Variants in SYT1 observed in about 807,000 individuals in gnomAD.
The protein encoded by SYT1 is synaptotagmin 1.
Under a neutral mutation model 44.8 loss-of-function variants are expected in SYT1, and 8 were observed. The observed-to-expected ratio is 0.18, with a 90% CI of 0.10 to 0.32. The LOEUF (loss-of-function observed/expected upper bound fraction) is 0.32, where lower values mean the gene tolerates loss of function less well. SYT1 is among the 10% of genes least tolerant of loss of function. The pLI is 1.00. For missense variants in SYT1, 286 were observed against 509.3 expected, an observed-to-expected ratio of 0.56 and a Z score of 4.22; for synonymous variants, 154 against 188.8, an observed-to-expected ratio of 0.82 and a Z score of 1.51.
At chr12:79,090,608 G>A (rs955826205) in intron 3 of SYT1, among the ~76,000 whole-genome samples, 4 of 151,928 alleles carry the variant, frequency 2.6e-5, no homozygotes, top group African/African-American at 9.7e-5. Context: ...CTGAAGGTTA[G>A]ATAATTTGAG....
intron 3 of SYT1, among the ~76,000 whole-genome samples, chr12:79,048,638 A>G (rs1874246662): frequency 6.6e-6 from 1 of 151,932 alleles, no homozygotes; most frequent in Non-Finnish European, 1.5e-5. Flanking sequence ...TTACACTTTT[A>G]AAAACTACTC....
intron 3 of SYT1, among the ~76,000 whole-genome samples, chr12:79,143,543 A>C (rs188549791): frequency 1.5e-4 from 23 of 152,364 alleles, no homozygotes; most frequent in African/African-American, 5.5e-4. Context: ...TAATCAAATA[A>C]GAAAATCAAA....
chr12:79,083,523 G>C (rs1268243192), intron 3 of SYT1, among the ~76,000 whole-genome samples: 5 of 151,946 alleles, frequency 3.3e-5, no homozygotes, highest in African/African-American at 1.2e-4. Context: ...CAGATAAATA[G>C]TATTGGCTGA....
chr12:79,185,800 G>T (rs1872767087), intron 3 of SYT1, among the ~76,000 whole-genome samples: 2 of 151,830 alleles, frequency 1.3e-5, no homozygotes, highest in African/African-American at 4.8e-5. Context: ...AACTATACAG[G>T]CTTTTTCTAT....
intron 3 of SYT1, among the ~76,000 whole-genome samples, chr12:79,054,464 C>T (rs1428171467): frequency 1.3e-5 from 2 of 151,950 alleles, no homozygotes; most frequent in East Asian, 3.9e-4. Flanking sequence ...TATAAACATT[C>T]ACCTAAAGGA....
chr12:79,106,723 A>G (rs1177483691), intron 3 of SYT1, among the ~76,000 whole-genome samples: 1 of 151,852 alleles, frequency 6.6e-6, no homozygotes, highest in Non-Finnish European at 1.5e-5. Flanking sequence ...AAAAAAAAAA[A>G]TTCTTTGACA....
chr12:79,424,571 T>C (rs1239165712), intron 9 of SYT1, among the ~76,000 whole-genome samples: 1 of 151,970 alleles, frequency 6.6e-6, no homozygotes, highest in Non-Finnish European at 1.5e-5. Flanking sequence ...TTAACATTTC[T>C]TTCATTTGTA....
intron 8 of SYT1, among the ~76,000 whole-genome samples, chr12:79,323,159 G>A (rs188308099): frequency 3.0e-5 from 4 of 131,494 alleles, no homozygotes; most frequent in African/African-American, 8.6e-5. Flanking sequence ...CTGCTTTTTT[G>A]TAAGACCTAT....
intron 9 of SYT1, among the ~76,000 whole-genome samples, chr12:79,378,088 T>C (rs1273856690): frequency 6.6e-6 from 1 of 152,180 alleles, no homozygotes; most frequent in Non-Finnish European, 1.5e-5. Context: ...CTTAACTATA[T>C]AAAATGCAGG....
chr12:79,062,411 G>T (rs1042436813), intron 3 of SYT1, among the ~76,000 whole-genome samples: 1 of 152,132 alleles, frequency 6.6e-6, no homozygotes, highest in Admixed American at 6.6e-5. Context: ...AGCCTAGAAG[G>T]TTCCCCACTG....
chr12:79,247,209 T>A (rs1395644944), intron 4 of SYT1, among the ~76,000 whole-genome samples: 1 of 152,062 alleles, frequency 6.6e-6, no homozygotes, highest in Non-Finnish European at 1.5e-5. Flanking sequence ...TTAGGGAGGG[T>A]ATTCAAAAGT....
chr12:78,928,358 T>C (rs1462922), intron 1 of SYT1, among the ~76,000 whole-genome samples: 14,729 of 152,166 alleles, frequency 0.097, 1,069 homozygotes, highest in East Asian at 0.32. Flanking sequence ...GCCATAACTT[T>C]TATAGTGAAG....
At chr12:78,865,410 TTC>T (rs1873482971) in intron 1 of SYT1, among the ~76,000 whole-genome samples, 1 of 152,082 alleles carries the variant, frequency 6.6e-6, no homozygotes, top group Non-Finnish European at 1.5e-5. Flanking sequence ...TCTCAATCTT[TTC>T]TCTCTTTCTC....
At chr12:78,923,709 CTGTG>C (rs71091636) in intron 1 of SYT1, among the ~76,000 whole-genome samples, 1 of 150,994 alleles carries the variant, frequency 6.6e-6, no homozygotes, top group Non-Finnish European at 1.5e-5. Flanking sequence ...CTCTCTCTCT[CTGTG>C]TGTGTGTATA....
chr12:78,986,268 A>G (rs1366146885), intron 2 of SYT1, among the ~76,000 whole-genome samples: 1 of 151,876 alleles, frequency 6.6e-6, no homozygotes, highest in Non-Finnish European at 1.5e-5. Flanking sequence ...CATTTGTTCC[A>G]TTTTCTTTTT....
chr12:79,420,786 G>A (rs553130689), intron 9 of SYT1, among the ~76,000 whole-genome samples: 1 of 152,150 alleles, frequency 6.6e-6, no homozygotes, highest in African/African-American at 2.4e-5. Context: ...CTGAGAAGTA[G>A]GAAAAAGTAT....
At chr12:79,329,420 G>T (rs1881756456) in intron 8 of SYT1, among the ~76,000 whole-genome samples, 1 of 152,144 alleles carries the variant, frequency 6.6e-6, no homozygotes, top group Non-Finnish European at 1.5e-5. Flanking sequence ...CTATGTGCCA[G>T]GCACTAGCTG....
intron 4 of SYT1, among the ~76,000 whole-genome samples, chr12:79,262,521 A>C (rs777856403): frequency 6.6e-6 from 1 of 152,168 alleles, no homozygotes. Flanking sequence ...AAGTGTGTAC[A>C]TCTTCAAGCT....
intron 1 of SYT1, among the ~76,000 whole-genome samples, chr12:78,904,192 AT>A (rs540388940): frequency 2.0e-5 from 3 of 152,236 alleles, no homozygotes; most frequent in East Asian, 3.9e-4. Context: ...TTGAATTTGA[AT>A]TTATATTTTT....
Sources: allele counts gnomAD v4.1 joint callset (sites outside exome capture counted in the v4.1 genomes callset), GRCh38; gene constraint gnomAD v4.1.1; transcripts MANE v1.5; gene names NCBI Gene and HGNC (gene_info 2026-07-23, HGNC 2026-07-21).